Variants in ITCH observed in about 807,000 individuals in gnomAD.
The protein encoded by ITCH is itchy E3 ubiquitin protein ligase.
Under a neutral mutation model 126.8 loss-of-function variants are expected in ITCH, and 28 were observed. That is an observed-to-expected ratio of 0.22 (90% CI 0.16 to 0.30). The LOEUF (loss-of-function observed/expected upper bound fraction) is 0.30. ITCH is among the 10% of genes least tolerant of loss of function. The probability of loss-of-function intolerance (pLI) is 1.00; values close to 1 mark genes in which losing one functional copy is unlikely to be tolerated. For missense variants in ITCH, 631 were observed against 1,032.4 expected (o/e 0.61, Z 5.33); for synonymous variants, 342 against 340.0 (o/e 1.01, Z -0.06).
chr20:34,457,582 A>G, intron 13 of ITCH, 108 bp downstream of exon 13: 1 of 756,546 alleles, frequency 1.3e-6, no homozygotes, highest in Non-Finnish European at 2.3e-6. Flanking sequence ...CTAAAACGTT[A>G]ATCACCTACA....
At chr20:34,437,970 C>G (rs1424038100) in intron 7 of ITCH, among the ~76,000 whole-genome samples, 1 of 152,226 alleles carries the variant, frequency 6.6e-6, no homozygotes, top group East Asian at 1.9e-4. Context: ...ATTTTGTGTA[C>G]CATTGTACTG....
intron 16 of ITCH, among the ~76,000 whole-genome samples, chr20:34,475,706 G>A (rs1175562423): frequency 6.6e-6 from 1 of 150,692 alleles, no homozygotes; most frequent in Non-Finnish European, 1.5e-5. Context: ...GCAGGGGCAG[G>A]GGCAGGGGCA....
At chr20:34,399,504 A>G (rs75702574) in intron 3 of ITCH, among the ~76,000 whole-genome samples, 2 of 152,064 alleles carry the variant, frequency 1.3e-5, no homozygotes, top group African/African-American at 4.8e-5. Context: ...TCACTGGGAA[A>G]GAAGGTGGTG....
chr20:34,460,466 G>A (rs1185193771), intron 13 of ITCH, among the ~76,000 whole-genome samples: 1 of 151,516 alleles, frequency 6.6e-6, no homozygotes. Flanking sequence ...TGTCCTGGCA[G>A]TATGTAGGAA....
chr20:34,405,540 C>G (rs2039030485), intron 3 of ITCH, among the ~76,000 whole-genome samples: 2 of 152,154 alleles, frequency 1.3e-5, no homozygotes, highest in African/African-American at 4.8e-5. Context: ...CTAGAAAGCC[C>G]CAACAGGGGC....
At chr20:34,415,114 G>A (rs539295304) in intron 6 of ITCH, among the ~76,000 whole-genome samples, 2 of 152,308 alleles carry the variant, frequency 1.3e-5, no homozygotes, top group East Asian at 3.9e-4. Flanking sequence ...CAATGAAAGA[G>A]CAGATTAATG....
chr20:34,408,910 C>A, intron 4 of ITCH, 118 bp downstream of exon 4: 8 of 772,116 alleles, frequency 1.0e-5, no homozygotes, highest in Non-Finnish European at 1.5e-5. Flanking sequence ...TTTCTCTCTT[C>A]TTTTTTTTTT....
chr20:34,407,565 A>G (rs1052778766), intron 3 of ITCH, among the ~76,000 whole-genome samples: 1 of 152,178 alleles, frequency 6.6e-6, no homozygotes, highest in African/African-American at 2.4e-5. Flanking sequence ...CGCTGCGCCC[A>G]GCTGCAGATT....
At chr20:34,498,001 C>T (rs1036544462) in intron 23 of ITCH, among the ~76,000 whole-genome samples, 2 of 152,092 alleles carry the variant, frequency 1.3e-5, no homozygotes, top group Non-Finnish European at 2.9e-5. Flanking sequence ...TGTGTGTTTT[C>T]TTCAGTTTCT....
intron 12 of ITCH, among the ~76,000 whole-genome samples, chr20:34,454,820 T>G (rs1600381858): frequency 2.7e-5 from 1 of 37,672 alleles, no homozygotes; most frequent in South Asian, 8.3e-4. Flanking sequence ...TTTTCCTGTT[T>G]TTTTTTTTTT....
rs1443091956 is a variant in ITCH at position 34,372,184 on chromosome 20, A to G, written c.-22+2714A>G. Among the ~76,000 whole-genome samples the G allele has an allele frequency of 2.7e-5, 4 of 150,238 alleles. No individual in the cohort carries two copies. The East Asian group carries it at 8.1e-4, about 31-fold the overall frequency. ...GCTGGGCGTGGTGGCGGGCGCCTGT[A>G]GTCCCAGCTACTCGGGAGGCTGAGG... On this transcript the variant is annotated intron_variant, in intron 2 of 24. Coordinates refer to ENST00000374864, the MANE Select transcript of ITCH (RefSeq NM_031483.7).
At position 34,409,956 on chromosome 20, in the gene ITCH, G is replaced by A. The variant is rs1001808188; in HGVS notation, c.212+1164G>A. 2.3e-4 allele frequency among the ~76,000 whole-genome samples: 35 copies of A among 152,098 alleles called. 1 individual carries two copies. Among genetic ancestry groups the A allele is most frequent in the Non-Finnish European group, 8.8e-5 (6 of 67,984 alleles). On this transcript the variant is annotated intron_variant, in intron 4 of 24. Transcript: ENST00000374864. ...GAGCCAGGAGGATTGTGTGAGGCCA[G>A]GAGTTCAAAGGTGCAGTTTGATATG...
At chr20:34,370,765 A>G (rs1295863860) in intron 2 of ITCH, among the ~76,000 whole-genome samples, 2 of 152,074 alleles carry the variant, frequency 1.3e-5, no homozygotes, top group African/African-American at 2.4e-5. Flanking sequence ...AGATCACTTT[A>G]AAAGGTCAGG....
rs1254106323 is a variant in ITCH at position 34,445,377 on chromosome 20, C to G, written c.1056C>G (p.Ser352=). 6.2e-7 allele frequency: 1 copy of G among 1,613,782 alleles called. No homozygotes were observed. The highest frequency in any genetic ancestry group is 1.7e-5 in the Admixed American group (1 of 59,982). Residue 352 remains serine, a synonymous_variant, in exon 11 of 25, where the codon TCC becomes TCG. Transcript: ENST00000374864. The part of the protein sequence containing the change: ...TTTWQRPTLE[S]VRNYEQWQLQ... Reference sequence around the variant, plus strand: ...CGTGGCAGAGGCCAACACTGGAATCCGTCCGGAACTATGAACAATGGCAGC... The same window carrying G: ...CGTGGCAGAGGCCAACACTGGAATCGGTCCGGAACTATGAACAATGGCAGC...
At chr20:34,440,404 T>G in intron 9 of ITCH, 60 bp downstream of exon 9, 1 of 1,237,628 alleles carries the variant, frequency 8.1e-7, no homozygotes, top group Non-Finnish European at 1.2e-6. Flanking sequence ...GCCTACTTAT[T>G]AATAAGGAAA....
At chr20:34,365,388 C>T (rs1223041115) in intron 1 of ITCH, among the ~76,000 whole-genome samples, 4 of 152,080 alleles carry the variant, frequency 2.6e-5, no homozygotes, top group Non-Finnish European at 5.9e-5. Flanking sequence ...TAGAATCAAA[C>T]ATTTCTACAT....
rs1372781705 is a variant in ITCH at position 34,510,156 on chromosome 20, A to T, written c.*2362A>T. On this transcript the variant is annotated 3_prime_UTR_variant, in exon 25 of 25. Transcript: ENST00000374864. Reference sequence around the variant, plus strand: ...TATTTTTGCAGCCTGGGATCTCCCTACTCCATTTTTTCCTTTAATTTAAGT... The same window carrying T: ...TATTTTTGCAGCCTGGGATCTCCCTTCTCCATTTTTTCCTTTAATTTAAGT... 6.6e-6 allele frequency: 1 copy of T among 152,410 alleles called. No individual in the cohort carries two copies. The highest frequency in any genetic ancestry group is 6.6e-5 in the Admixed American group (1 of 15,250). 9.4% of individuals were successfully genotyped at this position (152,410 alleles called of 1,614,324 possible). A position where few individuals can be genotyped will look rare whatever the true frequency, so the allele number is the denominator to read the frequency against.
intron 7 of ITCH, among the ~76,000 whole-genome samples, chr20:34,437,120 C>T (rs1031267109): frequency 4.0e-5 from 6 of 151,056 alleles, no homozygotes; most frequent in African/African-American, 9.7e-5. Flanking sequence ...TGGAATGAGA[C>T]GCTGTCTCAA....
chr20:34,372,903 A>G (rs901313279), intron 2 of ITCH, among the ~76,000 whole-genome samples: 1 of 152,004 alleles, frequency 6.6e-6, no homozygotes, highest in African/African-American at 2.4e-5. Flanking sequence ...ATGTTACAAG[A>G]GTTTCATTGC....
Sources: allele counts gnomAD v4.1 joint callset (sites outside exome capture counted in the v4.1 genomes callset), GRCh38; gene constraint gnomAD v4.1.1; transcripts MANE v1.5; gene names NCBI Gene and HGNC (gene_info 2026-07-23, HGNC 2026-07-21).